The following KDR variants were observed in gnomAD, a reference collection of about 807,000 sequenced individuals.
KDR encodes vascular endothelial growth factor receptor 2.
In KDR, 43 loss-of-function variants were observed where a neutral mutation model predicts 160.9. The observed-to-expected ratio is 0.27, with a 90% CI of 0.21 to 0.34. KDR has a LOEUF of 0.34. Ranked by LOEUF, KDR falls within the 10% of genes least tolerant of loss-of-function variation. The pLI, the probability that KDR is intolerant of heterozygous loss-of-function variation, is 1.00. For missense variants in KDR, 1,469 were observed against 1,666.4 expected, an observed-to-expected ratio of 0.88 and a Z score of 2.06; for synonymous variants, 617 against 600.1, an observed-to-expected ratio of 1.03 and a Z score of -0.41.
chr4:55,080,789 G>T (rs565942016), intron 29 of KDR, among the ~76,000 whole-genome samples: 2 of 152,126 alleles, frequency 1.3e-5, no homozygotes, highest in African/African-American at 4.8e-5. Context: ...CCTGACAGAC[G>T]GTAATCATGT....
intron 14 of KDR, 56 bp downstream of exon 14, chr4:55,102,306 G>A (rs905203251): frequency 1.9e-6 from 3 of 1,572,610 alleles, no homozygotes; most frequent in Non-Finnish European, 2.6e-6. Flanking sequence ...TGGCTTTTTA[G>A]ATAACATCCC....
chr4:55,098,292 C>T lies in KDR; in HGVS notation c.2374-20G>A, dbSNP rs1210007901. 6.8e-6 allele frequency: 11 copies of T among 1,613,346 alleles called. No homozygotes were observed. The East Asian group carries it at 1.8e-4, about 26-fold the overall frequency. On this transcript the variant is annotated intron_variant, in intron 16 of 29. Coordinates refer to ENST00000263923, the MANE Select transcript of KDR (RefSeq NM_002253.4). ...ATTGGCCTGGAAAGCATCAATCCTT[C>T]CAGTCATAAACACACTGTTGTTTGG...
At chr4:55,086,473 T>A (rs958452185) in intron 27 of KDR, among the ~76,000 whole-genome samples, 3 of 152,136 alleles carry the variant, frequency 2.0e-5, no homozygotes, top group Admixed American at 6.5e-5. Context: ...TACAAGTTTG[T>A]ACTGCCCTCA....
intron 1 of KDR, among the ~76,000 whole-genome samples, chr4:55,124,575 C>G (rs1405688786): frequency 6.6e-6 from 1 of 152,146 alleles, no homozygotes; most frequent in Non-Finnish European, 1.5e-5. Context: ...CTTGGAGACC[C>G]TTGGGGAAGC....
intron 1 of KDR, among the ~76,000 whole-genome samples, chr4:55,122,036 A>G (rs1174126795): frequency 6.6e-6 from 1 of 152,070 alleles, no homozygotes; most frequent in African/African-American, 2.4e-5. Context: ...TTAAAAACGT[A>G]TATAAATTTT....
chr4:55,116,197 A>T (rs1720732634), intron 3 of KDR, among the ~76,000 whole-genome samples: 1 of 152,118 alleles, frequency 6.6e-6, no homozygotes, highest in African/African-American at 2.4e-5. Context: ...CAGGTGGATC[A>T]CTTGAGGTCA....
At position 55,118,748 on chromosome 4, in the gene KDR, G is replaced by C. The variant is rs779854548; in HGVS notation, c.214C>G (p.Gln72Glu). ...CTGCACTCAGTCACCTCCACCCTTTGCTCACTGCCACTCTGATTATTGGGC... is the reference window on the plus strand; with the variant it reads ...CTGCACTCAGTCACCTCCACCCTTTCCTCACTGCCACTCTGATTATTGGGC... The part of the protein sequence containing the change: ...LWPNNQSGSE[Q>E]RVEVTECSDG... Residue 72 changes from glutamine to glutamate, a missense_variant, in exon 3 of 30, where the codon CAA becomes GAA. Physicochemically the swap from Gln to Glu is conservative, Grantham distance 29. Coordinates refer to ENST00000263923, the MANE Select transcript of KDR (RefSeq NM_002253.4). 2 of 1,614,004 alleles carry C rather than the reference G, an allele frequency of 1.2e-6. No homozygotes were observed. Among genetic ancestry groups the C allele is most frequent in the African/African-American group, 2.7e-5 (2 of 74,888 alleles).
rs781113437 is a variant in KDR at position 55,082,059 on chromosome 4, A to C, written c.3763-18T>G. 6.6e-7 allele frequency: 1 copy of C among 1,516,996 alleles called. No individual in the cohort carries two copies. 94.0% of individuals were successfully genotyped at this position (1,516,996 alleles called of 1,614,324 possible). On this transcript the variant is annotated intron_variant, in intron 28 of 29. Coordinates refer to ENST00000263923, the MANE Select transcript of KDR (RefSeq NM_002253.4). ...TGGTTGTCCTTTTTAAGAGACAATG[A>C]GATGGCACAGTTAATTGAGCATATA... is the stretch of plus-strand genomic sequence containing the variant.
chr4:55,080,289 C>T (rs1392935633), intron 29 of KDR, 126 bp from the exon 30 acceptor site: 8 of 797,442 alleles, frequency 1.0e-5, no homozygotes, highest in Non-Finnish European at 1.5e-5. Flanking sequence ...CGTATCTCTC[C>T]CAGTTGTTAA....
rs756460179 is a variant in KDR, at chr4:55,096,350, T to C, written c.2615-8A>G. 24 of 1,590,216 alleles carry C rather than the reference T, an allele frequency of 1.5e-5. No individual in the cohort carries two copies. The highest frequency in any genetic ancestry group is 2.1e-5 in the Non-Finnish European group (24 of 1,159,218). Reference sequence around the variant, plus strand: ...CACTGTGTGTTGCTCCTTCTACAAATACAGTACAAAGAGGGAAATCATAGG... The same window carrying C: ...CACTGTGTGTTGCTCCTTCTACAAACACAGTACAAAGAGGGAAATCATAGG... On this transcript the variant is annotated splice_polypyrimidine_tract_variant and splice_region_variant and intron_variant, in intron 18 of 29. Transcript: ENST00000263923.
At chr4:55,087,403 G>A (rs1719889960) in intron 27 of KDR, among the ~76,000 whole-genome samples, 1 of 152,258 alleles carries the variant, frequency 6.6e-6, no homozygotes, top group Non-Finnish European at 1.5e-5. Context: ...TGCTGTGGCA[G>A]CAGCGTGGGC....
intron 2 of KDR, 21 bp downstream of exon 2, chr4:55,121,076 A>G: frequency 6.6e-7 from 1 of 1,505,186 alleles, no homozygotes; most frequent in Non-Finnish European, 9.2e-7. Flanking sequence ...CAAGAAATCT[A>G]GATCTAGAAT....
chr4:55,112,633 A>C (rs1250518615), intron 7 of KDR, among the ~76,000 whole-genome samples: 1 of 151,226 alleles, frequency 6.6e-6, no homozygotes, highest in Non-Finnish European at 1.5e-5. Flanking sequence ...GGTTCAAGCA[A>C]TTCTCCTGCC....
Position 55,097,766 on chromosome 4 carries a change from C to T in KDR, c.2510G>A (p.Gly837Asp). The T allele has an allele frequency of 1.2e-6, 2 of 1,606,936 alleles. No homozygotes were observed. Among genetic ancestry groups the T allele is most frequent in the Non-Finnish European group, 1.7e-6 (2 of 1,174,148 alleles). ...WEFPRDRLKL[G>D]KPLGRGAFGQ... ...AAAGGCACCACGGCCAAGAGGCTTACCTAGAGTCAACAACAACAGCAACAA... is the reference window on the plus strand; with the variant it reads ...AAAGGCACCACGGCCAAGAGGCTTATCTAGAGTCAACAACAACAGCAACAA... The change falls in exon 18 of 30, where the codon GGT becomes GAT. Residue 837 changes from glycine (G) to aspartate (D), a missense_variant and splice_region_variant. Gly to Asp is a moderately conservative substitution (Grantham distance 94). Around this residue, in one of 7 missense-constraint regions of KDR, gnomAD observed 151 missense variants for 207.2 expected, o/e 0.73. Transcript: ENST00000263923.
chr4:55,090,258 A>G (rs1221219657), intron 22 of KDR, among the ~76,000 whole-genome samples, 180 bp from the exon 23 acceptor site: 1 of 152,216 alleles, frequency 6.6e-6, no homozygotes, highest in East Asian at 1.9e-4. Flanking sequence ...TGAGACACAC[A>G]TCTGCTTATT....
chr4:55,110,679 C>A lies in KDR; in HGVS notation c.1066G>T (p.Gly356Cys). 1.9e-6 allele frequency: 3 copies of A among 1,613,410 alleles called. No homozygotes were observed. Among genetic ancestry groups the A allele is most frequent in the Non-Finnish European group, 2.5e-6 (3 of 1,179,866 alleles). Residue 356 changes from glycine (G) to cysteine (C), a missense_variant, in exon 8 of 30, where the codon GGT (glycine) becomes TGT (cysteine). Gly to Cys is a radical substitution (Grantham distance 159). Coordinates refer to ENST00000263923, the MANE Select transcript of KDR (RefSeq NM_002253.4). Reference sequence around the variant, plus strand: ...CATTTTATTTCTGGGGGTGGGTAACCAAGGTACTTCGCAGGGATTCTGACA... The same window carrying A: ...CATTTTATTTCTGGGGGTGGGTAACAAAGGTACTTCGCAGGGATTCTGACA... Reference protein sequence around the residue: ...ERVRIPAKYLGYPPPEIKWYK... With the variant: ...ERVRIPAKYLCYPPPEIKWYK...
intron 17 of KDR, 139 bp downstream of exon 17, chr4:55,097,998 T>C (rs2110017448): frequency 8.4e-7 from 1 of 1,189,242 alleles, no homozygotes; most frequent in South Asian, 1.3e-5. Flanking sequence ...ATATGAATGA[T>C]TATACAAATT....
intron 29 of KDR, 35 bp downstream of exon 29, chr4:55,081,921 T>C (rs755513089): frequency 3.4e-6 from 5 of 1,450,114 alleles, no homozygotes; most frequent in South Asian, 3.4e-5. Context: ...AAAATTCCTA[T>C]TGAAATTTGT....
At position 55,125,428 on chromosome 4, in the gene KDR, G is replaced by A; in HGVS notation, c.-135C>T. On this transcript the variant is annotated 5_prime_UTR_variant, in exon 1 of 30. Coordinates refer to ENST00000263923, the MANE Select transcript of KDR (RefSeq NM_002253.4). ...CAGGACAGTTGAGCGCACAGGGCTA[G>A]GGAGCCCGGGCGCCGACCGCGGCTG... 1.7e-6 allele frequency: 2 copies of A among 1,154,666 alleles called. No homozygotes were observed. The highest frequency in any genetic ancestry group is 2.5e-6 in the Non-Finnish European group (2 of 808,698). The allele number at this position is 1,154,666 out of a possible 1,614,324, so 71.5% of individuals were successfully genotyped here.
Sources: gnomAD v4.1 joint callset for allele counts (sites outside exome capture counted in the v4.1 genomes callset) on GRCh38, gnomAD v4.1.1 for gene constraint, gnomAD v4.1.1 regional missense constraint, MANE v1.5 for transcripts, NCBI Gene and HGNC (gene_info 2026-07-23, HGNC 2026-07-21) for gene names.